Variants in SGCG observed in about 807,000 individuals in gnomAD.
SGCG encodes the protein gamma-sarcoglycan.
SGCG carries 26 observed loss-of-function variants against 29.3 expected under a neutral mutation model. The ratio of observed to expected loss-of-function variants is 0.89; its 90% CI spans 0.65 to 1.23. The LOEUF (loss-of-function observed/expected upper bound fraction) is 1.23, where lower values mean the gene tolerates loss of function less well. Among genes scored for constraint, SGCG ranks in the 50% most tolerant of loss-of-function variants. The pLI is 0.00. For missense variants in SGCG, 353 were observed against 356.0 expected (o/e 0.99, Z 0.07); for synonymous variants, 145 against 129.7 (o/e 1.12, Z -0.80).
At chr13:23,231,257 G>A (rs1276052406) in intron 2 of SGCG, among the ~76,000 whole-genome samples, 1 of 151,182 alleles carries the variant, frequency 6.6e-6, no homozygotes, top group Non-Finnish European at 1.5e-5. Context: ...CTTTTTTGTT[G>A]TGTCTCTGCC....
chr13:23,177,201 G>A (rs1876584706), upstream of SGCG, among the ~76,000 whole-genome samples: 1 of 152,144 alleles, frequency 6.6e-6, no homozygotes. Flanking sequence ...GTAGAGCAAT[G>A]ATTACCAGAG....
intron 2 of SGCG, among the ~76,000 whole-genome samples, chr13:23,228,053 C>T (rs532667716): frequency 4.6e-5 from 7 of 152,122 alleles, no homozygotes; most frequent in East Asian, 1.9e-4. Flanking sequence ...TGAAGCTGTC[C>T]GCCCACCTAG....
chr13:23,193,914 G>A (rs761196795), intron 1 of SGCG, among the ~76,000 whole-genome samples: 11 of 151,996 alleles, frequency 7.2e-5, no homozygotes, highest in Non-Finnish European at 1.5e-4. Flanking sequence ...ATTATGAAAG[G>A]GCCTGAGAAT....
chr13:23,308,989 G>C (rs1357677855), intron 6 of SGCG, among the ~76,000 whole-genome samples: 1 of 151,954 alleles, frequency 6.6e-6, no homozygotes, highest in African/African-American at 2.4e-5. Context: ...CATAAATATG[G>C]TATATCTCTC....
At chr13:23,194,117 T>C (rs1877391849) in intron 1 of SGCG, among the ~76,000 whole-genome samples, 3 of 152,248 alleles carry the variant, frequency 2.0e-5, no homozygotes, top group Admixed American at 1.3e-4. Flanking sequence ...GTGATCCCTC[T>C]GATTGATATT....
chr13:23,238,404 GACT>G (rs1879388511), intron 3 of SGCG, among the ~76,000 whole-genome samples: 2 of 152,150 alleles, frequency 1.3e-5, no homozygotes, highest in African/African-American at 4.8e-5. Flanking sequence ...GCTACCTTGA[GACT>G]AGTGAAATAC....
intron 1 of SGCG, among the ~76,000 whole-genome samples, chr13:23,201,794 A>C (rs926072974): frequency 6.6e-6 from 1 of 152,188 alleles, no homozygotes; most frequent in Non-Finnish European, 1.5e-5. Context: ...AGTTGTATTC[A>C]CCTGTAGCAA....
chr13:23,209,099 TTTTA>T (rs149780891), intron 2 of SGCG, among the ~76,000 whole-genome samples: 1 of 152,258 alleles, frequency 6.6e-6, no homozygotes, highest in African/African-American at 2.4e-5. Flanking sequence ...TTGGGGGCAC[TTTTA>T]TTTGGGAAAA....
chr13:23,211,709 C>A (rs1401766545), intron 2 of SGCG, among the ~76,000 whole-genome samples: 2 of 152,172 alleles, frequency 1.3e-5, no homozygotes, highest in African/African-American at 4.8e-5. Context: ...GCACAGTTAC[C>A]TCTGCAGTCT....
rs1159956698 is a variant in SGCG, at chr13:23,226,785, G to A, written c.196-7826G>A. On this transcript the variant is annotated intron_variant, in intron 2 of 7. Transcript: ENST00000218867. ...AAATGCAAAGTGTTCAGTGGGTACCGAGTTGCAGTTTAGGAAGATGAAAAG... is the reference window on the plus strand; with the variant it reads ...AAATGCAAAGTGTTCAGTGGGTACCAAGTTGCAGTTTAGGAAGATGAAAAG... 5.3e-5 allele frequency among the ~76,000 whole-genome samples: 8 copies of A among 152,232 alleles called. No individual in the cohort carries two copies. The South Asian group carries it at 1.2e-3, about 24-fold the overall frequency.
intron 6 of SGCG, among the ~76,000 whole-genome samples, chr13:23,317,151 C>T (rs1004780957): frequency 2.6e-5 from 4 of 151,956 alleles, no homozygotes; most frequent in African/African-American, 4.8e-5. Context: ...GCCGAGACCA[C>T]ACCACTGCAC....
At chr13:23,263,652 T>A (rs1880530260) in intron 4 of SGCG, among the ~76,000 whole-genome samples, 1 of 152,080 alleles carries the variant, frequency 6.6e-6, no homozygotes, top group African/African-American at 2.4e-5. Context: ...TACAGACTAA[T>A]ATCCCCAAAG....
At chr13:23,227,327 AAAC>A (rs1231868927) in intron 2 of SGCG, among the ~76,000 whole-genome samples, 2 of 82,802 alleles carry the variant, frequency 2.4e-5, no homozygotes, top group African/African-American at 5.8e-5. Context: ...AAAAAAAAAA[AAAC>A]AAAAACCTGG....
chr13:23,195,465 T>G (rs778898667), intron 1 of SGCG, among the ~76,000 whole-genome samples: 1 of 152,184 alleles, frequency 6.6e-6, no homozygotes, highest in African/African-American at 2.4e-5. Flanking sequence ...TTTTTCCCTT[T>G]TAGTCACTTG....
intron 1 of SGCG, among the ~76,000 whole-genome samples, chr13:23,203,118 C>T (rs1877830682): frequency 6.6e-6 from 1 of 152,056 alleles, no homozygotes; most frequent in Non-Finnish European, 1.5e-5. Context: ...TGCCACCATG[C>T]CTGGCTAATT....
At chr13:23,321,034 GA>G (rs946874207) in intron 7 of SGCG, among the ~76,000 whole-genome samples, 38 of 147,376 alleles carry the variant, frequency 2.6e-4, no homozygotes, top group South Asian at 8.6e-4. Flanking sequence ...TTTCAAGTCG[GA>G]AAAAAAAAAC....
rs542287500 is a variant in SGCG at position 23,285,163 on chromosome 13, A to G, written c.505+5685A>G. 2.6e-5 allele frequency among the ~76,000 whole-genome samples: 4 copies of G among 152,346 alleles called. No individual in the cohort carries two copies. The South Asian group carries it at 8.3e-4, about 32-fold the overall frequency. The stretch of plus-strand genomic sequence containing the variant: ...TGCTGGGAGATCCGCTGCTCTCTTC[A>G]GAGCTGGCAGGCAGGAACATTTAAG... On this transcript the variant is annotated intron_variant, in intron 5 of 7. Coordinates refer to ENST00000218867, the MANE Select transcript of SGCG (RefSeq NM_000231.3).
chr13:23,290,137 C>T (rs1269889873), intron 5 of SGCG, among the ~76,000 whole-genome samples: 3 of 152,104 alleles, frequency 2.0e-5, no homozygotes, highest in Admixed American at 6.6e-5. Flanking sequence ...CTCTGGGTAA[C>T]GGAGAGGCCT....
At chr13:23,165,618 G>A in the SGCG span, among the ~76,000 whole-genome samples, 9,949 of 151,364 alleles carry the variant, frequency 0.066, 447 homozygotes, top group Admixed American at 0.1. Flanking sequence ...TCCACCTCCC[G>A]GGTTCAAGCG....
Sources: allele counts gnomAD v4.1 joint callset (sites outside exome capture counted in the v4.1 genomes callset), GRCh38; gene constraint gnomAD v4.1.1; transcripts MANE v1.5; gene names NCBI Gene and HGNC (gene_info 2026-07-23, HGNC 2026-07-21).